The following TEX11 variants were observed in gnomAD, a reference collection of about 807,000 sequenced individuals.
The protein encoded by TEX11 is testis expressed 11.
A neutral mutation model predicts 84.4 loss-of-function variants in TEX11; 7 were observed. The observed-to-expected ratio is 0.08, with a 90% CI of 0.05 to 0.16. TEX11 has a LOEUF of 0.16. Ranked by LOEUF, TEX11 falls within the 10% of genes least tolerant of loss-of-function variation. TEX11 has a pLI of 1.00. For synonymous variants in TEX11, 264 were observed against 222.8 expected (o/e 1.18, Z -1.64); for missense variants, 551 against 660.5 (o/e 0.83, Z 1.82).
At chrX:70,653,476 A>T (rs1409787664) in intron 16 of TEX11, among the ~76,000 whole-genome samples, 4 of 112,439 alleles carry the variant, frequency 3.6e-5, no homozygotes, top group African/African-American at 9.7e-5. Context: ...TTGCAAATTA[A>T]AACAGCAATG....
chrX:70,612,053 T>A (rs182686465), intron 20 of TEX11, among the ~76,000 whole-genome samples: 1 of 110,069 alleles, frequency 9.1e-6, no homozygotes, highest in Admixed American at 9.7e-5. Context: ...GAGGATCACT[T>A]GGGCCTGGGT....
At chrX:70,720,067 A>G (rs2090543814) in intron 13 of TEX11, among the ~76,000 whole-genome samples, 1 of 112,157 alleles carries the variant, frequency 8.9e-6, no homozygotes, top group Non-Finnish European at 1.9e-5. Context: ...AGACACATGC[A>G]CACGTATGTT....
At chrX:70,824,758 T>C (rs1207276169) in intron 8 of TEX11, among the ~76,000 whole-genome samples, 2 of 111,343 alleles carry the variant, frequency 1.8e-5, no homozygotes, top group African/African-American at 6.5e-5. Context: ...ACCAGGAATC[T>C]CAACCTAATT....
intron 2 of TEX11, among the ~76,000 whole-genome samples, chrX:70,904,785 T>G (rs989712663): frequency 1.2e-4 from 13 of 112,169 alleles, no homozygotes; most frequent in African/African-American, 3.9e-4. Flanking sequence ...TCAAAGACTT[T>G]GTACCAAAAA....
intron 8 of TEX11, among the ~76,000 whole-genome samples, chrX:70,827,779 C>A (rs1486253230): frequency 8.9e-6 from 1 of 111,937 alleles, no homozygotes; most frequent in Non-Finnish European, 1.9e-5. Flanking sequence ...CAGAGAGCAT[C>A]TTTGGACACA....
At chrX:70,536,937 A>C (rs2087967151) in intron 28 of TEX11, among the ~76,000 whole-genome samples, 1 of 112,075 alleles carries the variant, frequency 8.9e-6, no homozygotes, top group Admixed American at 9.5e-5. Flanking sequence ...CATGGTATAT[A>C]TTTCCATTTG....
intron 7 of TEX11, among the ~76,000 whole-genome samples, chrX:70,842,947 G>A (rs1291463140): frequency 9.0e-6 from 1 of 111,526 alleles, no homozygotes; most frequent in Admixed American, 9.5e-5. Context: ...TCTTCAAGGA[G>A]AACTACAAAC....
chrX:70,715,306 G>A (rs979006112), intron 13 of TEX11, among the ~76,000 whole-genome samples: 10 of 110,827 alleles, frequency 9.0e-5, no homozygotes, highest in East Asian at 2.8e-4. Flanking sequence ...TCTTTGTGGC[G>A]TTCTCTGTAT....
chrX:70,720,772 T>A (rs1556030157), intron 13 of TEX11, among the ~76,000 whole-genome samples: 6,647 of 94,224 alleles, frequency 0.071, 164 homozygotes, highest in East Asian at 0.14. Flanking sequence ...TACATATATA[T>A]AATATATATA....
At chrX:70,640,162 G>A (rs1435225468) in intron 17 of TEX11, among the ~76,000 whole-genome samples, 5 of 109,509 alleles carry the variant, frequency 4.6e-5, no homozygotes, top group Non-Finnish European at 7.6e-5. Flanking sequence ...TGGAAGAAAG[G>A]GTATCAGCAA....
intron 12 of TEX11, among the ~76,000 whole-genome samples, chrX:70,723,012 C>T (rs950602244): frequency 9.0e-6 from 1 of 111,412 alleles, no homozygotes; most frequent in Non-Finnish European, 1.9e-5. Context: ...AATTTGAAAC[C>T]ACTTGCTACT....
chrX:70,714,389 G>T (rs1286950776), intron 13 of TEX11, among the ~76,000 whole-genome samples: 4 of 111,097 alleles, frequency 3.6e-5, no homozygotes, highest in East Asian at 2.8e-4. Context: ...GTTGACAGTG[G>T]GGTGTTAAAG....
At chrX:70,774,622 A>C (rs1201036783) in intron 9 of TEX11, among the ~76,000 whole-genome samples, 1 of 111,742 alleles carries the variant, frequency 8.9e-6, no homozygotes, top group Non-Finnish European at 1.9e-5. Flanking sequence ...TAAAACAGCT[A>C]CAAAAAATGC....
chrX:70,524,615 G>C (rs1367337331), downstream of TEX11, among the ~76,000 whole-genome samples: 2 of 112,599 alleles, frequency 1.8e-5, no homozygotes, highest in East Asian at 2.8e-4. Context: ...GCCCAGGCTT[G>C]AGTGCAATGG....
intron 13 of TEX11, among the ~76,000 whole-genome samples, chrX:70,685,118 C>T (rs1208695677): frequency 8.9e-6 from 1 of 112,281 alleles, no homozygotes; most frequent in Non-Finnish European, 1.9e-5. Context: ...AATCCCAGCA[C>T]TTCAGAAGGC....
chrX:70,598,188 A>C (rs775919328), intron 24 of TEX11, among the ~76,000 whole-genome samples: 126 of 112,350 alleles, frequency 1.1e-3, no homozygotes, highest in African/African-American at 4.0e-3. Flanking sequence ...CTCTAAATAA[A>C]TAGATAAATG....
chrX:70,640,579 A>G (rs1866731170), intron 17 of TEX11, among the ~76,000 whole-genome samples: 1 of 110,863 alleles, frequency 9.0e-6, no homozygotes, highest in African/African-American at 3.3e-5. Flanking sequence ...TCTCGGCAGA[A>G]ACCCTACAAG....
intron 11 of TEX11, among the ~76,000 whole-genome samples, chrX:70,726,991 G>C (rs1346649375): frequency 9.0e-6 from 1 of 111,177 alleles, no homozygotes; most frequent in East Asian, 2.8e-4. Context: ...GAACTACCAT[G>C]CCTGGCTCCC....
intron 28 of TEX11, among the ~76,000 whole-genome samples, chrX:70,540,288 G>A (rs1666902493): frequency 8.9e-6 from 1 of 111,771 alleles, no homozygotes; most frequent in Non-Finnish European, 1.9e-5. Flanking sequence ...AATACATATA[G>A]CACAAAATTT....
Sources: gnomAD v4.1 joint callset for allele counts (sites outside exome capture counted in the v4.1 genomes callset) on GRCh38, gnomAD v4.1.1 for gene constraint, MANE v1.5 for transcripts, NCBI Gene and HGNC (gene_info 2026-07-23, HGNC 2026-07-21) for gene names.